The following SDK1 variants were observed in gnomAD, a reference collection of about 807,000 sequenced individuals.
SDK1 encodes the protein sidekick cell adhesion molecule 1, also known as protein sidekick-1.
In SDK1, 157 loss-of-function variants were observed where a neutral mutation model predicts 245.5. That is an observed-to-expected ratio of 0.64 (90% confidence interval 0.56 to 0.73). The LOEUF (loss-of-function observed/expected upper bound fraction) is 0.73. Ranked by LOEUF, SDK1 falls within the 30% of genes least tolerant of loss-of-function variation. The pLI is 0.00. For missense variants in SDK1, 3,583 were observed against 3,002.3 expected, an observed-to-expected ratio of 1.19 and a Z score of -4.52; for synonymous variants, 1,647 against 1,278.5, an observed-to-expected ratio of 1.29 and a Z score of -6.15.
intron 4 of SDK1, among the ~76,000 whole-genome samples, chr7:3,767,868 A>G (rs1019126606): frequency 1.3e-4 from 20 of 152,270 alleles, no homozygotes; most frequent in Admixed American, 3.9e-4. Context: ...ATTGATTATC[A>G]TAAAATGACT....
intron 19 of SDK1, among the ~76,000 whole-genome samples, chr7:4,060,443 T>G (rs1222066346): frequency 6.6e-6 from 1 of 152,220 alleles, no homozygotes; most frequent in Non-Finnish European, 1.5e-5. Context: ...TGTCTTCTTT[T>G]GAGAAGTGTC....
chr7:4,050,978 A>G (rs909434031), intron 18 of SDK1, among the ~76,000 whole-genome samples: 3 of 140,192 alleles, frequency 2.1e-5, no homozygotes, highest in African/African-American at 5.4e-5. Context: ...TGTTATATAT[A>G]TGCTATATAT....
At chr7:3,696,552 G>C (rs773239039) in intron 4 of SDK1, among the ~76,000 whole-genome samples, 1 of 140,518 alleles carries the variant, frequency 7.1e-6, no homozygotes, top group African/African-American at 2.7e-5. Context: ...CTTTCTCACA[G>C]AGCTTACATT....
intron 1 of SDK1, among the ~76,000 whole-genome samples, chr7:3,407,021 A>G (rs898498815): frequency 2.0e-5 from 3 of 152,180 alleles, no homozygotes; most frequent in African/African-American, 7.2e-5. Flanking sequence ...AATGGGATCA[A>G]GAATGCTAGA....
At chr7:3,522,585 T>C (rs1177202388) in intron 1 of SDK1, among the ~76,000 whole-genome samples, 1 of 152,110 alleles carries the variant, frequency 6.6e-6, no homozygotes, top group Admixed American at 6.6e-5. Flanking sequence ...AGCCCTGATA[T>C]GTTTATTAAA....
At chr7:3,634,604 T>C (rs918171618) in intron 2 of SDK1, among the ~76,000 whole-genome samples, 1 of 152,192 alleles carries the variant, frequency 6.6e-6, no homozygotes, top group South Asian at 2.1e-4. Flanking sequence ...TATCATACTT[T>C]CTTATAAAGA....
intron 5 of SDK1, among the ~76,000 whole-genome samples, chr7:3,944,073 G>A (rs575885810): frequency 1.1e-4 from 16 of 152,334 alleles, no homozygotes; most frequent in African/African-American, 3.1e-4. Flanking sequence ...AGTGCTTGAG[G>A]GAAGGAGTGT....
chr7:3,867,210 A>C (rs1287087041), intron 5 of SDK1, among the ~76,000 whole-genome samples: 1 of 152,202 alleles, frequency 6.6e-6, no homozygotes, highest in Non-Finnish European at 1.5e-5. Flanking sequence ...TTTTGTTCTG[A>C]AGAGATGAGT....
chr7:3,517,821 A>G (rs1230388529), intron 1 of SDK1, among the ~76,000 whole-genome samples: 1 of 152,182 alleles, frequency 6.6e-6, no homozygotes, highest in Admixed American at 6.5e-5. Context: ...ACATAAGACC[A>G]TTTTAATACC....
At chr7:3,432,739 G>A (rs556344618) in intron 1 of SDK1, among the ~76,000 whole-genome samples, 1 of 152,054 alleles carries the variant, frequency 6.6e-6, no homozygotes, top group African/African-American at 2.4e-5. Flanking sequence ...GAAATAGATG[G>A]ATACCCACAT....
At chr7:3,929,028 G>T (rs1158596380) in intron 5 of SDK1, among the ~76,000 whole-genome samples, 1 of 152,250 alleles carries the variant, frequency 6.6e-6, no homozygotes, top group Non-Finnish European at 1.5e-5. Context: ...AGTGTCACCA[G>T]AGGACACATC....
intron 20 of SDK1, among the ~76,000 whole-genome samples, chr7:4,073,566 CAAATA>C (rs1006905268): frequency 2.0e-5 from 3 of 152,138 alleles, no homozygotes; most frequent in African/African-American, 7.2e-5. Flanking sequence ...AGCTTTTAAA[CAAATA>C]AAATTTTCTG....
At chr7:3,657,856 A>C (rs1053738752) in intron 4 of SDK1, among the ~76,000 whole-genome samples, 1 of 152,232 alleles carries the variant, frequency 6.6e-6, no homozygotes, top group Non-Finnish European at 1.5e-5. Context: ...AGGGGGAAAG[A>C]AAGTGGCTAA....
chr7:3,553,908 C>T (rs558847274), intron 1 of SDK1, among the ~76,000 whole-genome samples: 1 of 152,298 alleles, frequency 6.6e-6, no homozygotes, highest in East Asian at 1.9e-4. Flanking sequence ...TCAGCAGGGA[C>T]CCGTGGGAGC....
intron 5 of SDK1, among the ~76,000 whole-genome samples, chr7:3,918,756 C>G (rs566133840): frequency 2.6e-5 from 4 of 152,306 alleles, no homozygotes; most frequent in South Asian, 2.1e-4. Flanking sequence ...CTGCATGCCA[C>G]TCAGGTCTCT....
chr7:3,813,503 G>A (rs1239476189), intron 4 of SDK1, among the ~76,000 whole-genome samples: 4 of 145,022 alleles, frequency 2.8e-5, no homozygotes, highest in Non-Finnish European at 6.0e-5. Flanking sequence ...TCTTAATCCA[G>A]TCTATCATTG....
intron 1 of SDK1, among the ~76,000 whole-genome samples, chr7:3,564,118 A>C (rs1212717999): frequency 6.6e-6 from 1 of 152,012 alleles, no homozygotes; most frequent in Non-Finnish European, 1.5e-5. Flanking sequence ...ATTAGGAAAC[A>C]AGAAAGATAA....
At position 4,205,962 on chromosome 7, in the gene SDK1, G is replaced by A; in HGVS notation, c.5182G>A (p.Glu1728Lys). Residue 1728 changes from glutamate to lysine, a missense_variant, in exon 36 of 45, where the codon GAG (glutamate) becomes AAG (lysine). Glu to Lys is a moderately conservative substitution (Grantham distance 56). Transcript: ENST00000404826. ...LEVTWDPPPP[E>K]SQNGNIQGYK... ...GGTCACGTGGGACCCACCACCCCCGGAGAGCCAGAATGGGAACATCCAAGG... is the reference window on the plus strand; with the variant it reads ...GGTCACGTGGGACCCACCACCCCCGAAGAGCCAGAATGGGAACATCCAAGG... 2 of 1,560,146 alleles carry A rather than the reference G, an allele frequency of 1.3e-6. No homozygotes were observed. The highest frequency in any genetic ancestry group is 1.7e-6 in the Non-Finnish European group (2 of 1,151,662).
chr7:3,853,434 A>C (rs546382357), intron 5 of SDK1, among the ~76,000 whole-genome samples: 1 of 152,084 alleles, frequency 6.6e-6, no homozygotes, highest in African/African-American at 2.4e-5. Flanking sequence ...TGTTTAATCA[A>C]GTGATTTTAA....
Sources: allele counts gnomAD v4.1 joint callset (sites outside exome capture counted in the v4.1 genomes callset), GRCh38; gene constraint gnomAD v4.1.1; transcripts MANE v1.5; gene names NCBI Gene and HGNC (gene_info 2026-07-23, HGNC 2026-07-21).